Variants in SNW1 observed in about 807,000 individuals in gnomAD.
SNW1 encodes the protein SNW domain-containing protein 1.
A neutral mutation model predicts 75.6 loss-of-function variants in SNW1; 9 were observed. The observed-to-expected ratio is 0.12, with a 90% CI of 0.07 to 0.21. The LOEUF is 0.21. Ranked by LOEUF, SNW1 falls within the 10% of genes least tolerant of loss-of-function variation. The probability of loss-of-function intolerance (pLI) is 1.00; values close to 1 mark genes in which losing one functional copy is unlikely to be tolerated. For missense variants in SNW1, 409 were observed against 670.9 expected, an observed-to-expected ratio of 0.61 and a Z score of 4.31; for synonymous variants, 200 against 219.1, an observed-to-expected ratio of 0.91 and a Z score of 0.77.
At chr14:77,735,745 T>C (rs1345552718) in intron 7 of SNW1, among the ~76,000 whole-genome samples, 192 bp downstream of exon 7, 1 of 152,190 alleles carries the variant, frequency 6.6e-6, no homozygotes, top group African/African-American at 2.4e-5. Context: ...GGGTTTGCAT[T>C]ACTAATAACA....
Position 77,723,940 on chromosome 14 carries a change from T to C in SNW1, c.1034-663A>G, listed in dbSNP as rs139392913. Among the ~76,000 whole-genome samples the C allele has an allele frequency of 6.1e-3, 922 of 152,314 alleles. 14 individuals are homozygous for C. Among genetic ancestry groups the C allele is most frequent in the African/African-American group, 0.021 (881 of 41,554 alleles). ...GAGAATATTTTTTAACCTTAGAAAA[T>C]TCCAAACTTCTTTGTAGTCACACTC... On this transcript the variant is annotated intron_variant, in intron 10 of 13. Transcript: ENST00000261531.
intron 3 of SNW1, among the ~76,000 whole-genome samples, chr14:77,739,607 CAAAA>C (rs1379151649): frequency 7.2e-6 from 1 of 138,352 alleles, no homozygotes; most frequent in African/African-American, 2.7e-5. Flanking sequence ...CATGAGAAGA[CAAAA>C]GAAAAAAAAA....
At chr14:77,727,335 G>A (rs1238607698) in intron 10 of SNW1, among the ~76,000 whole-genome samples, 2 of 152,184 alleles carry the variant, frequency 1.3e-5, no homozygotes, top group African/African-American at 4.8e-5. Context: ...TTACAGGTGT[G>A]AGCCACTGTG....
chr14:77,751,848 CA>C (rs59993330), intron 2 of SNW1, among the ~76,000 whole-genome samples: 31,419 of 128,360 alleles, frequency 0.24, 3,836 homozygotes, highest in Admixed American at 0.36. Flanking sequence ...ACACACACCA[CA>C]CACACACACA....
At chr14:77,761,003 C>T (rs763156223) in intron 1 of SNW1, 111 bp downstream of exon 1, 5 of 1,612,814 alleles carry the variant, frequency 3.1e-6, no homozygotes, top group East Asian at 2.2e-5. Context: ...TCTTGGCCCA[C>T]GTCATTCTGT....
chr14:77,738,666 T>C (rs2080693116), intron 5 of SNW1, 112 bp downstream of exon 5: 4 of 734,858 alleles, frequency 5.4e-6, no homozygotes, highest in East Asian at 5.2e-5. Flanking sequence ...GAGTCATTAT[T>C]GAAAACAATG....
chr14:77,717,962 A>G lies in SNW1; in HGVS notation c.*126T>C. 1 of 806,694 alleles carries G rather than the reference A, an allele frequency of 1.2e-6. No individual in the cohort carries two copies. The highest frequency in any genetic ancestry group is 2.5e-5 in the East Asian group (1 of 39,788). The allele number at this position is 806,694 out of a possible 1,614,324, so 50.0% of individuals were successfully genotyped here. On this transcript the variant is annotated 3_prime_UTR_variant, in exon 14 of 14. Transcript: ENST00000261531. ...ATCCCCCCCATTTCTCCAGTAATAA[A>G]AAGTAGTGCTGGGATCTGGCACCCA...
At chr14:77,759,957 A>G (rs1362944373) in intron 1 of SNW1, among the ~76,000 whole-genome samples, 1 of 152,162 alleles carries the variant, frequency 6.6e-6, no homozygotes, top group African/African-American at 2.4e-5. Context: ...ATCTCAAAAA[A>G]TAAAGTTAAA....
At chr14:77,750,670 A>G (rs1267168939) in intron 3 of SNW1, among the ~76,000 whole-genome samples, 1 of 151,390 alleles carries the variant, frequency 6.6e-6, no homozygotes, top group Non-Finnish European at 1.5e-5. Context: ...TTTACAAGAA[A>G]AAAAAAAAAC....
chr14:77,758,325 A>AAAAAAC lies in SNW1; in HGVS notation c.14+2788_14+2789insGTTTTT, dbSNP rs1471965507. 4.0e-5 allele frequency among the ~76,000 whole-genome samples: 6 copies of AAAAAAC among 151,688 alleles called. No homozygotes were observed. In the East Asian group the frequency reaches 1.2e-3, roughly 29 times the overall value. On this transcript the variant is annotated intron_variant, in intron 1 of 13. Coordinates refer to ENST00000261531, the MANE Select transcript of SNW1 (RefSeq NM_012245.3). ...AGTGAGACTCTGCCACAAAAAAAAA[A>AAAAAAC]AAAAAAAAAAAGAACAAATTTTCGT...
chr14:77,747,263 G>A (rs367611294), intron 3 of SNW1, among the ~76,000 whole-genome samples: 16 of 151,976 alleles, frequency 1.1e-4, no homozygotes, highest in African/African-American at 3.9e-4. Flanking sequence ...ATCTCGGCTC[G>A]CTACAACCTC....
At chr14:77,751,246 G>T in intron 3 of SNW1, 73 bp downstream of exon 3, 1 of 1,435,156 alleles carries the variant, frequency 7.0e-7, no homozygotes, top group Non-Finnish European at 9.6e-7. Flanking sequence ...AACAGCAAGA[G>T]ATTTATCGTG....
In SNW1 at chr14:77,742,793, G is replaced by A. The variant is rs187856709; in HGVS notation, c.331-3732C>T. Among the ~76,000 whole-genome samples the A allele has an allele frequency of 2.0e-5, 3 of 151,654 alleles. No individual in the cohort carries two copies. The East Asian group carries it at 6.0e-4, about 30-fold the overall frequency. ...TGCCCAGGCTAGTCTCAAACTCCTG[G>A]CCTCAAATGATCCTCCCACCTCAAC... On this transcript the variant is annotated intron_variant, in intron 3 of 13. Coordinates refer to ENST00000261531, the MANE Select transcript of SNW1 (RefSeq NM_012245.3).
At position 77,717,865 on chromosome 14, in the gene SNW1, C is replaced by G; in HGVS notation, c.*223G>C. The G allele has an allele frequency of 1.8e-6, 1 of 548,310 alleles. No homozygotes were observed. The highest frequency in any genetic ancestry group is 3.2e-6 in the Non-Finnish European group (1 of 313,942). 34.0% of individuals were successfully genotyped at this position (548,310 alleles called of 1,614,324 possible). ...TGTGGGGCAGCATGTTCTATAAATG[C>G]TGAAAGGTGGGAGAAGCACAAACAC... On this transcript the variant is annotated 3_prime_UTR_variant, in exon 14 of 14. Transcript: ENST00000261531.
At chr14:77,734,641 G>A (rs546865841) in intron 8 of SNW1, among the ~76,000 whole-genome samples, 107 of 152,324 alleles carry the variant, frequency 7.0e-4, no homozygotes, top group African/African-American at 2.5e-3. Context: ...AGGAGGCTGA[G>A]GCAGGGCAAT....
At chr14:77,737,116 A>G in intron 5 of SNW1, 41 bp from the exon 6 acceptor site, 1 of 1,358,478 alleles carries the variant, frequency 7.4e-7, no homozygotes, top group Non-Finnish European at 1.1e-6. Flanking sequence ...AATTAGTTCA[A>G]GCTTTCAGTA....
At chr14:77,755,851 G>A (rs192400714) in intron 1 of SNW1, among the ~76,000 whole-genome samples, 23 of 149,366 alleles carry the variant, frequency 1.5e-4, no homozygotes, top group Non-Finnish European at 2.5e-4. Context: ...TGATTTTCCT[G>A]CCTCACCCTC....
intron 3 of SNW1, among the ~76,000 whole-genome samples, chr14:77,740,087 T>C (rs1197441278): frequency 3.5e-5 from 5 of 141,414 alleles, no homozygotes. Context: ...TAAGCCAAGA[T>C]TGCGTCACTG....
At chr14:77,757,552 T>A (rs2080851169) in intron 1 of SNW1, among the ~76,000 whole-genome samples, 1 of 152,236 alleles carries the variant, frequency 6.6e-6, no homozygotes, top group African/African-American at 2.4e-5. Flanking sequence ...TGTTTGATTA[T>A]TTCAGGGCTG....
Sources: gnomAD v4.1 joint callset for allele counts (sites outside exome capture counted in the v4.1 genomes callset) on GRCh38, gnomAD v4.1.1 for gene constraint, MANE v1.5 for transcripts, NCBI Gene and HGNC (gene_info 2026-07-23, HGNC 2026-07-21) for gene names.